BTRC: variants seen among roughly 807,000 people sequenced by gnomAD.
BTRC encodes the protein F-box/WD repeat-containing protein 1A.
Under a neutral mutation model 85.5 loss-of-function variants are expected in BTRC, and 42 were observed. That is an observed-to-expected ratio of 0.49 (90% CI 0.38 to 0.64). BTRC has a LOEUF of 0.64. BTRC is among the 30% of genes least tolerant of loss of function. The probability of loss-of-function intolerance (pLI) is 0.00; values close to 1 mark genes in which losing one functional copy is unlikely to be tolerated. For synonymous variants in BTRC, 255 were observed against 263.3 expected (o/e 0.97, Z 0.30); for missense variants, 594 against 743.5 (o/e 0.80, Z 2.34).
chr10:101,521,535 T>C (rs2062105681), intron 4 of BTRC, 104 bp from the exon 5 acceptor site: 2 of 794,812 alleles, frequency 2.5e-6, no homozygotes, highest in South Asian at 3.7e-5. Context: ...CAGAGTGGGC[T>C]CAATCATGTA....
chr10:101,490,788 G>T (rs1293307709), intron 4 of BTRC, among the ~76,000 whole-genome samples: 3 of 152,190 alleles, frequency 2.0e-5, no homozygotes, highest in African/African-American at 7.2e-5. Flanking sequence ...GCTGGGTGTG[G>T]TGCCTCACAC....
chr10:101,460,462 G>C (rs1589497504), intron 2 of BTRC, among the ~76,000 whole-genome samples: 1 of 152,206 alleles, frequency 6.6e-6, no homozygotes, highest in East Asian at 1.9e-4. Context: ...TTGAGTCTCT[G>C]TCCCTTTCTT....
intron 4 of BTRC, among the ~76,000 whole-genome samples, chr10:101,513,396 T>A (rs2061981108): frequency 6.6e-6 from 1 of 152,188 alleles, no homozygotes; most frequent in African/African-American, 2.4e-5. Context: ...TTAGAGAACA[T>A]TTTCATTGTC....
At chr10:101,366,572 G>C (rs1003742974) in intron 1 of BTRC, among the ~76,000 whole-genome samples, 4 of 150,956 alleles carry the variant, frequency 2.6e-5, no homozygotes, top group Non-Finnish European at 4.4e-5. Flanking sequence ...ATTGGACCTT[G>C]AAGAGTAGAT....
At chr10:101,476,327 G>A (rs1483356385) in intron 3 of BTRC, among the ~76,000 whole-genome samples, 2 of 152,104 alleles carry the variant, frequency 1.3e-5, no homozygotes, top group East Asian at 1.9e-4. Context: ...GACATTAGTG[G>A]AAAAACTGGT....
At chr10:101,499,390 A>C (rs1449280561) in intron 4 of BTRC, among the ~76,000 whole-genome samples, 1 of 151,608 alleles carries the variant, frequency 6.6e-6, no homozygotes, top group Non-Finnish European at 1.5e-5. Flanking sequence ...TGCCCAGCTA[A>C]ATTTTTTTGT....
intron 6 of BTRC, among the ~76,000 whole-genome samples, chr10:101,529,477 T>C (rs1252680086): frequency 6.6e-6 from 1 of 152,192 alleles, no homozygotes; most frequent in Non-Finnish European, 1.5e-5. Context: ...GTGGGTGGGC[T>C]CAGGAGTCAG....
At chr10:101,519,889 G>A (rs2062078094) in intron 4 of BTRC, among the ~76,000 whole-genome samples, 1 of 152,060 alleles carries the variant, frequency 6.6e-6, no homozygotes, top group Non-Finnish European at 1.5e-5. Flanking sequence ...CAGCTACTCA[G>A]GAGGCTGAAG....
intron 4 of BTRC, among the ~76,000 whole-genome samples, chr10:101,496,071 A>G (rs1407014188): frequency 2.6e-5 from 4 of 151,288 alleles, no homozygotes; most frequent in Non-Finnish European, 4.4e-5. Flanking sequence ...ATTGTTATGT[A>G]TGTATAGTTA....
intron 2 of BTRC, among the ~76,000 whole-genome samples, chr10:101,438,756 T>C (rs930576838): frequency 6.6e-5 from 10 of 152,228 alleles, no homozygotes; most frequent in Admixed American, 6.5e-4. Flanking sequence ...AAAAAGCAGG[T>C]CATTATTTTT....
chr10:101,370,105 A>C lies in BTRC; in HGVS notation c.48+15877A>C, dbSNP rs113371036. On this transcript the variant is annotated intron_variant, in intron 1 of 14. Transcript: ENST00000370187. ...TTACCTGCCATATTTCTGTATGGAC[A>C]TATCCCTTATCCTGTTTTTTTGTTT... 4.9e-3 allele frequency among the ~76,000 whole-genome samples: 744 copies of C among 152,258 alleles called. 8 individuals carry two copies. The highest frequency in any genetic ancestry group is 0.017 in the African/African-American group (700 of 41,548).
At chr10:101,481,356 GCT>G (rs1306441068) in intron 4 of BTRC, among the ~76,000 whole-genome samples, 1 of 151,936 alleles carries the variant, frequency 6.6e-6, no homozygotes, top group Admixed American at 6.6e-5. Flanking sequence ...TGGCCATGCT[GCT>G]CTTAGTTTCA....
At chr10:101,445,517 C>G (rs1270451954) in intron 2 of BTRC, among the ~76,000 whole-genome samples, 1 of 152,146 alleles carries the variant, frequency 6.6e-6, no homozygotes, top group Non-Finnish European at 1.5e-5. Flanking sequence ...TGATTGGAGA[C>G]AGTTCACTTC....
rs865943125 is a variant in BTRC, at chr10:101,366,968, A to G, written c.48+12740A>G. 1.6e-3 allele frequency among the ~76,000 whole-genome samples: 53 copies of G among 33,162 alleles called. 8 individuals carry two copies. The highest frequency in any genetic ancestry group is 3.6e-3 in the Non-Finnish European group (46 of 12,806). The allele number at this position is 33,162 out of a possible 152,430, so 21.8% of individuals were successfully genotyped here. A position where few individuals can be genotyped will look rare whatever the true frequency, so the allele number is the denominator to read the frequency against. Reference sequence around the variant, plus strand: ...TATATTTATATATATATTTATATAAATATATATTTATATATTTATATATAT... The same window carrying G: ...TATATTTATATATATATTTATATAAGTATATATTTATATATTTATATATAT... On this transcript the variant is annotated intron_variant, in intron 1 of 14. Transcript: ENST00000370187.
chr10:101,534,705 A>G lies in BTRC; in HGVS notation c.1142A>G (p.His381Arg). 2 of 1,614,156 alleles carry G rather than the reference A, an allele frequency of 1.2e-6. No individual in the cohort carries two copies. Among genetic ancestry groups the G allele is most frequent in the Non-Finnish European group, 1.7e-6 (2 of 1,180,018 alleles). Residue 381 changes from histidine to arginine, a missense_variant, in exon 10 of 15, where the codon CAC (histidine) becomes CGC (arginine). Around this residue, in one of 4 missense-constraint regions of BTRC, gnomAD observed 373 missense variants for 503.6 expected, o/e 0.74. Coordinates refer to ENST00000370187, the MANE Select transcript of BTRC (RefSeq NM_033637.4). ...NTGEMLNTLIHHCEAVLHLRF... is the reference protein window; with the variant it reads ...NTGEMLNTLIRHCEAVLHLRF... ...GGTGAAATGCTAAACACGTTGATTCACCATTGTGAAGCAGTTCTGCACTTG... is the reference window on the plus strand; with the variant it reads ...GGTGAAATGCTAAACACGTTGATTCGCCATTGTGAAGCAGTTCTGCACTTG...
At chr10:101,489,738 G>A (rs1261681243) in intron 4 of BTRC, among the ~76,000 whole-genome samples, 2 of 152,116 alleles carry the variant, frequency 1.3e-5, no homozygotes, top group African/African-American at 2.4e-5. Context: ...TTTCCTAAAA[G>A]GAAAGTTTCA....
intron 1 of BTRC, among the ~76,000 whole-genome samples, chr10:101,416,432 T>G (rs1312209570): frequency 6.6e-6 from 1 of 152,230 alleles, no homozygotes; most frequent in African/African-American, 2.4e-5. Context: ...TCACAGGGTG[T>G]TGAATATTCT....
chr10:101,434,295 C>T (rs892259211), intron 2 of BTRC, among the ~76,000 whole-genome samples: 1 of 152,030 alleles, frequency 6.6e-6, no homozygotes, highest in African/African-American at 2.4e-5. Context: ...GTATCTGAAG[C>T]CTTATCAATG....
intron 3 of BTRC, among the ~76,000 whole-genome samples, chr10:101,473,740 G>A (rs1460689010): frequency 6.6e-6 from 1 of 151,826 alleles, no homozygotes; most frequent in Non-Finnish European, 1.5e-5. Context: ...AAAGTGCTAG[G>A]TGTAAGTCAC....
Sources: allele counts gnomAD v4.1 joint callset (sites outside exome capture counted in the v4.1 genomes callset), GRCh38; gene constraint gnomAD v4.1.1; regional missense constraint gnomAD v4.1.1; transcripts MANE v1.5; gene names NCBI Gene and HGNC (gene_info 2026-07-23, HGNC 2026-07-21).